Variants in RAB7A observed in about 807,000 individuals in gnomAD.
RAB7A encodes the protein ras-related protein Rab-7a.
A neutral mutation model predicts 24.5 loss-of-function variants in RAB7A; 2 were observed. The observed-to-expected ratio is 0.08, with a 90% CI of 0.03 to 0.26. RAB7A has a LOEUF of 0.26. Ranked by LOEUF, RAB7A falls within the 10% of genes least tolerant of loss-of-function variation. The pLI, the probability that RAB7A is intolerant of heterozygous loss-of-function variation, is 1.00. For missense variants in RAB7A, 118 were observed against 255.7 expected, an observed-to-expected ratio of 0.46 and a Z score of 3.67; for synonymous variants, 100 against 95.9, an observed-to-expected ratio of 1.04 and a Z score of -0.25.
chr3:128,785,666 C>T (rs565335988), intron 1 of RAB7A, among the ~76,000 whole-genome samples: 2 of 150,562 alleles, frequency 1.3e-5, no homozygotes, highest in African/African-American at 4.9e-5. Flanking sequence ...ACAGAGTTGC[C>T]TGAACCCTGG....
At position 128,813,439 on chromosome 3, in the gene RAB7A, GA is replaced by G. The variant is rs1933969750; in HGVS notation, c.*18del. Reference sequence around the variant, plus strand: ...AGTTGCTGAGGGGGCAGTGAGAGTTGAGCACAGAGTCCTTCACAAACCAAGA... The same window carrying G: ...AGTTGCTGAGGGGGCAGTGAGAGTTGGCACAGAGTCCTTCACAAACCAAGA... On this transcript the variant is annotated 3_prime_UTR_variant, in exon 6 of 6. Coordinates refer to ENST00000265062, the MANE Select transcript of RAB7A (RefSeq NM_004637.6). The G allele has an allele frequency of 1.2e-6, 2 of 1,609,694 alleles. No homozygotes were observed. Among genetic ancestry groups the G allele is most frequent in the East Asian group, 4.5e-5 (2 of 44,876 alleles).
In RAB7A at chr3:128,806,374, A is replaced by C. The variant is rs376642691; in HGVS notation, c.183A>C (p.Ile61=). The change falls in exon 4 of 6, where the codon ATA becomes ATC. Residue 61 remains isoleucine (I), a splice_region_variant and synonymous_variant. Transcript: ENST00000265062. The part of the protein sequence containing the change: ...MVDDRLVTMQ[I]WDTAGQERFQ... ...AATGAATGTTTTGTCTCTCACAGAT[A>C]TGGGACACAGCAGGACAGGAACGGT... 46 of 1,607,264 alleles carry C rather than the reference A, an allele frequency of 2.9e-5. No homozygotes were observed. The highest frequency in any genetic ancestry group is 2.0e-4 in the Admixed American group (12 of 59,676).
intron 5 of RAB7A, among the ~76,000 whole-genome samples, chr3:128,808,864 T>C (rs1024866590): frequency 3.9e-5 from 6 of 152,174 alleles, no homozygotes. Context: ...TTGTTTGTAA[T>C]GGTTGCTCCA....
At chr3:128,754,932 G>A (rs1576278347) in intron 1 of RAB7A, among the ~76,000 whole-genome samples, 1 of 152,076 alleles carries the variant, frequency 6.6e-6, no homozygotes, top group African/African-American at 2.4e-5. Context: ...CAGTAGTTGG[G>A]GACTTTAATG....
At chr3:128,754,331 C>G (rs2070711478) in intron 1 of RAB7A, among the ~76,000 whole-genome samples, 1 of 152,050 alleles carries the variant, frequency 6.6e-6, no homozygotes, top group South Asian at 2.1e-4. Context: ...TTGAAGTTAA[C>G]TTGGTATACA....
At chr3:128,742,817 A>G (rs1228181159) in intron 1 of RAB7A, among the ~76,000 whole-genome samples, 1 of 152,226 alleles carries the variant, frequency 6.6e-6, no homozygotes, top group African/African-American at 2.4e-5. Context: ...AGCTAGACAT[A>G]AAAGTTCTTC....
chr3:128,802,795 C>T (rs1380533110), intron 3 of RAB7A, among the ~76,000 whole-genome samples: 3 of 150,270 alleles, frequency 2.0e-5, no homozygotes. Context: ...GCGTGAGCTA[C>T]CACACCCAGC....
At chr3:128,786,519 A>G (rs543798400) in intron 1 of RAB7A, among the ~76,000 whole-genome samples, 27 of 152,316 alleles carry the variant, frequency 1.8e-4, no homozygotes, top group African/African-American at 5.8e-4. Flanking sequence ...ATGGTCATAT[A>G]CAGAGCATGA....
At chr3:128,759,214 T>G (rs915484661) in intron 1 of RAB7A, among the ~76,000 whole-genome samples, 2 of 152,222 alleles carry the variant, frequency 1.3e-5, no homozygotes, top group African/African-American at 4.8e-5. Flanking sequence ...GGCAAATGGT[T>G]TAACCTAAGA....
chr3:128,807,264 A>T (rs1456991590), intron 4 of RAB7A, among the ~76,000 whole-genome samples: 1 of 152,148 alleles, frequency 6.6e-6, no homozygotes, highest in Admixed American at 6.5e-5. Flanking sequence ...TTCTTACTCC[A>T]TTCACAAATG....
At chr3:128,809,878 C>G (rs1002064287) in intron 5 of RAB7A, among the ~76,000 whole-genome samples, 3 of 146,578 alleles carry the variant, frequency 2.0e-5, no homozygotes, top group Middle Eastern at 3.6e-3. Flanking sequence ...GCCATGTTCC[C>G]TTATCTGGAC....
At chr3:128,774,739 A>AT (rs1933038296) in intron 1 of RAB7A, among the ~76,000 whole-genome samples, 1 of 151,958 alleles carries the variant, frequency 6.6e-6, no homozygotes, top group Non-Finnish European at 1.5e-5. Context: ...CGCCCAGCTA[A>AT]TTTTTTGTAT....
intron 1 of RAB7A, among the ~76,000 whole-genome samples, chr3:128,792,910 G>A (rs1933489405): frequency 2.6e-5 from 4 of 150,998 alleles, no homozygotes; most frequent in Admixed American, 2.6e-4. Flanking sequence ...GAGTGCAGTG[G>A]CGTGATCTCG....
chr3:128,758,657 T>C (rs2070751901), intron 1 of RAB7A, among the ~76,000 whole-genome samples: 1 of 152,100 alleles, frequency 6.6e-6, no homozygotes, highest in African/African-American at 2.4e-5. Context: ...ACGAAAAATC[T>C]TTAGGGATTT....
chr3:128,762,576 G>A (rs1183705168), intron 1 of RAB7A, among the ~76,000 whole-genome samples: 3 of 152,174 alleles, frequency 2.0e-5, no homozygotes, highest in Non-Finnish European at 4.4e-5. Flanking sequence ...CCTTCTGGGA[G>A]TGGGGAGTGA....
chr3:128,773,224 G>T (rs1932995742), intron 1 of RAB7A, among the ~76,000 whole-genome samples: 1 of 150,914 alleles, frequency 6.6e-6, no homozygotes, highest in African/African-American at 2.4e-5. Context: ...GGGATATGAG[G>T]AGCCCCTCCG....
At chr3:128,779,041 G>A (rs1933155305) in intron 1 of RAB7A, among the ~76,000 whole-genome samples, 1 of 152,154 alleles carries the variant, frequency 6.6e-6, no homozygotes, top group Non-Finnish European at 1.5e-5. Context: ...AAAGTGTTTG[G>A]GCAGAAACCA....
intron 5 of RAB7A, among the ~76,000 whole-genome samples, chr3:128,808,395 C>T (rs1202476042): frequency 6.6e-6 from 1 of 151,962 alleles, no homozygotes; most frequent in Non-Finnish European, 1.5e-5. Flanking sequence ...AAAATTATAT[C>T]TGAACTTCTA....
rs574862753 is a variant in RAB7A at position 128,757,524 on chromosome 3, ATT to A, written c.-9+31177_-9+31178del. ...AATATTTTTATTTATTTTAAAAACA[ATT>A]TTTTTTTTTTTGAGACCAAGTCTTG... On this transcript the variant is annotated intron_variant, in intron 1 of 5. Coordinates refer to ENST00000265062, the MANE Select transcript of RAB7A (RefSeq NM_004637.6). Among the ~76,000 whole-genome samples the A allele has an allele frequency of 6.9e-5, 10 of 145,532 alleles. No individual in the cohort carries two copies. The East Asian group carries it at 8.0e-4, about 12-fold the overall frequency.
Sources: allele counts gnomAD v4.1 joint callset (sites outside exome capture counted in the v4.1 genomes callset), GRCh38; gene constraint gnomAD v4.1.1; transcripts MANE v1.5; gene names NCBI Gene and HGNC (gene_info 2026-07-23, HGNC 2026-07-21).